The following SCN8A variants were observed in gnomAD, a reference collection of about 807,000 sequenced individuals.
SCN8A encodes sodium voltage-gated channel alpha subunit 8, also known as sodium channel protein type 8 subunit alpha.
Under a neutral mutation model 184.1 loss-of-function variants are expected in SCN8A, and 30 were observed. The ratio of observed to expected loss-of-function variants is 0.16; its 90% confidence interval spans 0.12 to 0.22. The LOEUF is 0.22. Among genes scored for constraint, SCN8A ranks in the 10% least tolerant of loss-of-function variants. SCN8A has a pLI of 1.00. For missense variants in SCN8A, 1,057 were observed against 2,498.9 expected (o/e 0.42, Z 12.30); for synonymous variants, 852 against 907.0 (o/e 0.94, Z 1.09).
chr12:51,753,924 G>C (rs775643882), intron 14 of SCN8A, among the ~76,000 whole-genome samples: 9 of 152,200 alleles, frequency 5.9e-5, no homozygotes, highest in Non-Finnish European at 1.0e-4. Context: ...AATAAAGTAT[G>C]ACCTTGTCCT....
intron 24 of SCN8A, 52 bp downstream of exon 24, chr12:51,789,470 G>A (rs1408150278): frequency 2.5e-6 from 4 of 1,582,904 alleles, no homozygotes; most frequent in African/African-American, 2.7e-5. Flanking sequence ...CAGATAAGAG[G>A]CACCTTTGTC....
chr12:51,624,415 G>T (rs1940031135), intron 1 of SCN8A, among the ~76,000 whole-genome samples: 1 of 152,052 alleles, frequency 6.6e-6, no homozygotes, highest in African/African-American at 2.4e-5. Flanking sequence ...GTCTTCTTTT[G>T]AGAAGTGTCT....
At chr12:51,751,848 G>A (rs1942600163) in intron 14 of SCN8A, among the ~76,000 whole-genome samples, 1 of 152,174 alleles carries the variant, frequency 6.6e-6, no homozygotes, top group Admixed American at 6.5e-5. Flanking sequence ...CAGAATGGGA[G>A]GCCTGGTACA....
At chr12:51,728,174 G>A (rs1411532502) in intron 12 of SCN8A, among the ~76,000 whole-genome samples, 3 of 152,116 alleles carry the variant, frequency 2.0e-5, no homozygotes, top group South Asian at 2.1e-4. Flanking sequence ...TGTCATGTTA[G>A]TTAACACTGG....
intron 26 of SCN8A, among the ~76,000 whole-genome samples, chr12:51,805,863 C>G (rs913822238): frequency 2.0e-5 from 3 of 150,472 alleles, no homozygotes; most frequent in African/African-American, 7.3e-5. Context: ...GAATCTTGGT[C>G]TTTCACCAAG....
At chr12:51,647,210 CA>C (rs1020356437) in intron 1 of SCN8A, among the ~76,000 whole-genome samples, 1 of 152,138 alleles carries the variant, frequency 6.6e-6, no homozygotes, top group African/African-American at 2.4e-5. Context: ...TCCAAGTACT[CA>C]AAGTGTAAGT....
intron 26 of SCN8A, among the ~76,000 whole-genome samples, chr12:51,803,576 C>T (rs1938613954): frequency 6.6e-6 from 1 of 152,132 alleles, no homozygotes; most frequent in Non-Finnish European, 1.5e-5. Context: ...ACATTACTGT[C>T]TGCCCCATTT....
Position 51,687,161 on chromosome 12 carries a change from G to A in SCN8A, c.556G>A (p.Gly186Ser), listed in dbSNP as rs1439068179. ...KIIARGFCID[G>S]FTFLRDPWNW... ...CATTGCAAGAGGTTTCTGCATAGAT[G>A]GCTTTACCTTTTTACGGGACCCATG... Residue 186 changes from glycine to serine, a missense_variant, in exon 5 of 27, where the codon GGC (glycine) becomes AGC (serine). Gly to Ser is a moderately conservative substitution (Grantham distance 56). Transcript: ENST00000627620. 6.2e-7 allele frequency: 1 copy of A among 1,613,466 alleles called. No individual in the cohort carries two copies. Among genetic ancestry groups the A allele is most frequent in the African/African-American group, 1.3e-5 (1 of 75,012 alleles).
chr12:51,727,025 A>G (rs1942166251), intron 12 of SCN8A, among the ~76,000 whole-genome samples: 1 of 152,244 alleles, frequency 6.6e-6, no homozygotes, highest in Non-Finnish European at 1.5e-5. Flanking sequence ...TTTCCATGTG[A>G]AAACAATTTA....
In SCN8A at chr12:51,706,718, A is replaced by G; in HGVS notation, c.1635+3A>G. On this transcript the variant is annotated splice_donor_region_variant and intron_variant, in intron 11 of 26. Transcript: ENST00000627620. The stretch of plus-strand genomic sequence containing the variant: ...GGAAATTTTCCATCATGAATCAGGT[A>G]AACTCTTCTTTTTTCTATACCTTTT... 2 of 1,519,142 alleles carry G rather than the reference A, an allele frequency of 1.3e-6. No homozygotes were observed. The highest frequency in any genetic ancestry group is 1.4e-5 in the African/African-American group (1 of 71,632). 94.1% of individuals were successfully genotyped at this position (1,519,142 alleles called of 1,614,324 possible). A position where few individuals can be genotyped will look rare whatever the true frequency, so the allele number is the denominator to read the frequency against.
chr12:51,737,805 GA>G (rs1206510050), intron 12 of SCN8A, among the ~76,000 whole-genome samples: 1 of 152,198 alleles, frequency 6.6e-6, no homozygotes, highest in Non-Finnish European at 1.5e-5. Flanking sequence ...GGATAGTAAA[GA>G]AACAGTCTTT....
intron 1 of SCN8A, among the ~76,000 whole-genome samples, chr12:51,623,769 C>T (rs1239925677): frequency 1.3e-5 from 2 of 152,128 alleles, no homozygotes; most frequent in Admixed American, 6.5e-5. Context: ...TCCTCCTCCC[C>T]CCACCCCACA....
chr12:51,790,578 A>G, intron 25 of SCN8A, 76 bp downstream of exon 25: 1 of 966,326 alleles, frequency 1.0e-6, no homozygotes, highest in Middle Eastern at 2.1e-4. Flanking sequence ...CTGCAAAGGA[A>G]GGAAAAAGGT....
At chr12:51,681,428 TTATTTAAAAGGC>T (rs1303834439) in intron 2 of SCN8A, among the ~76,000 whole-genome samples, 1 of 152,038 alleles carries the variant, frequency 6.6e-6, no homozygotes, top group Non-Finnish European at 1.5e-5. Flanking sequence ...AATGAGGAGG[TTATTTAAAAGGC>T]TATTTTCATA....
chr12:51,662,486 A>C (rs1592363052), intron 1 of SCN8A, among the ~76,000 whole-genome samples: 2 of 152,286 alleles, frequency 1.3e-5, no homozygotes, highest in Admixed American at 1.3e-4. Flanking sequence ...GAGGGAGTAG[A>C]ATATATCCTT....
intron 14 of SCN8A, among the ~76,000 whole-genome samples, chr12:51,759,280 T>C (rs189366387): frequency 5.3e-5 from 8 of 152,088 alleles, no homozygotes; most frequent in Admixed American, 5.2e-4. Flanking sequence ...GTACACTCTT[T>C]AATGTTTACA....
At chr12:51,768,777 T>A in intron 16 of SCN8A, 88 bp from the exon 17 acceptor site, 2 of 1,020,806 alleles carry the variant, frequency 2.0e-6, no homozygotes, top group Non-Finnish European at 2.8e-6. Flanking sequence ...GTCTGTCACG[T>A]GAAGTCCATT....
At position 51,699,552 on chromosome 12, in the gene SCN8A, G is replaced by T. The variant is rs533167325; in HGVS notation, c.707-18G>T. On this transcript the variant is annotated intron_variant, in intron 6 of 26. Coordinates refer to ENST00000627620, the MANE Select transcript of SCN8A (RefSeq NM_001330260.2). ...GGGCTTTGAGGTGCCTCTGATTCCGGGGATTCTGTCTCCTCAGGCCTGAAG... is the reference window on the plus strand; with the variant it reads ...GGGCTTTGAGGTGCCTCTGATTCCGTGGATTCTGTCTCCTCAGGCCTGAAG... The T allele has an allele frequency of 1.3e-6, 2 of 1,596,274 alleles. No homozygotes were observed. Among genetic ancestry groups the T allele is most frequent in the Admixed American group, 3.4e-5 (2 of 59,248 alleles).
intron 1 of SCN8A, among the ~76,000 whole-genome samples, chr12:51,608,570 G>T (rs1182146722): frequency 1.3e-5 from 2 of 152,064 alleles, no homozygotes; most frequent in African/African-American, 4.8e-5. Flanking sequence ...GTATTTCAGT[G>T]ATATCAGTTG....
Sources: gnomAD v4.1 joint callset for allele counts (sites outside exome capture counted in the v4.1 genomes callset) on GRCh38, gnomAD v4.1.1 for gene constraint, MANE v1.5 for transcripts, NCBI Gene and HGNC (gene_info 2026-07-23, HGNC 2026-07-21) for gene names.